Variants in GLRA2 observed in about 807,000 individuals in gnomAD.
The protein encoded by GLRA2 is glycine receptor subunit alpha-2.
Under a neutral mutation model 31.6 loss-of-function variants are expected in GLRA2, and 11 were observed. The ratio of observed to expected loss-of-function variants is 0.35; its 90% CI spans 0.22 to 0.58. The LOEUF is 0.58. GLRA2 is among the 20% of genes least tolerant of loss of function. The pLI is 0.84. For missense variants in GLRA2, 212 were observed against 351.8 expected, an observed-to-expected ratio of 0.60 and a Z score of 3.18; for synonymous variants, 132 against 134.0, an observed-to-expected ratio of 0.99 and a Z score of 0.10.
the GLRA2 span, among the ~76,000 whole-genome samples, chrX:14,474,460 C>T: frequency 1.8e-5 from 2 of 111,779 alleles, no homozygotes; most frequent in African/African-American, 6.5e-5. Context: ...GCTACTCAAA[C>T]ACCTCAAAAT....
At chrX:14,635,104 T>G (rs2090695628) in intron 7 of GLRA2, among the ~76,000 whole-genome samples, 1 of 111,772 alleles carries the variant, frequency 8.9e-6, no homozygotes, top group Non-Finnish European at 1.9e-5. Context: ...AGTTAAAAGC[T>G]TATGCGTTCT....
chrX:14,563,576 G>C, intron 2 of GLRA2, among the ~76,000 whole-genome samples: 1 of 111,643 alleles, frequency 9.0e-6, no homozygotes, highest in East Asian at 2.8e-4. Flanking sequence ...TAACAAGAAA[G>C]TATTGGCCAA....
At chrX:14,683,273 C>G (rs1233384795) in intron 7 of GLRA2, among the ~76,000 whole-genome samples, 7 of 111,663 alleles carry the variant, frequency 6.3e-5, no homozygotes, top group Middle Eastern at 4.2e-3. Flanking sequence ...TCTCATTGTG[C>G]TTTTGATTTG....
the GLRA2 span, among the ~76,000 whole-genome samples, chrX:14,505,111 A>G: frequency 8.9e-6 from 1 of 112,313 alleles, no homozygotes; most frequent in Non-Finnish European, 1.9e-5. Flanking sequence ...TCCATGACAC[A>G]GAGAAGTAAG....
intron 7 of GLRA2, among the ~76,000 whole-genome samples, chrX:14,685,244 C>T (rs1036579127): frequency 9.0e-5 from 10 of 111,271 alleles, no homozygotes; most frequent in African/African-American, 2.3e-4. Flanking sequence ...AGTTTTGCAT[C>T]GATGTTCATC....
chrX:14,542,573 G>T lies in GLRA2; in HGVS notation c.202+10201G>T, dbSNP rs188643871. 3.4e-4 allele frequency among the ~76,000 whole-genome samples: 37 copies of T among 109,256 alleles called. 1 individual carries two copies. In the East Asian group the frequency reaches 0.01, roughly 30 times the overall value. The allele number at this position is 109,256 out of a possible 115,157, so 94.9% of individuals were successfully genotyped here. ...TTAGCATCTGTGAACTGGATGAGTTGTAATTGTTTTAATATTGCTTATCTT... is the reference window on the plus strand; with the variant it reads ...TTAGCATCTGTGAACTGGATGAGTTTTAATTGTTTTAATATTGCTTATCTT... On this transcript the variant is annotated intron_variant, in intron 2 of 8. Coordinates refer to ENST00000218075, the MANE Select transcript of GLRA2 (RefSeq NM_002063.4).
At chrX:14,561,626 A>G (rs1338069600) in intron 2 of GLRA2, among the ~76,000 whole-genome samples, 1 of 112,867 alleles carries the variant, frequency 8.9e-6, no homozygotes, top group Admixed American at 9.4e-5. Flanking sequence ...TCAGCCAGGA[A>G]TTAATAACTT....
chrX:14,721,117 T>C (rs1409297795), intron 8 of GLRA2, among the ~76,000 whole-genome samples: 2 of 64,320 alleles, frequency 3.1e-5, no homozygotes, highest in East Asian at 7.0e-4. Context: ...TGTGACCCTG[T>C]CTCAAAAAAA....
At chrX:14,673,902 G>A (rs772374537) in intron 7 of GLRA2, among the ~76,000 whole-genome samples, 7 of 112,350 alleles carry the variant, frequency 6.2e-5, no homozygotes, top group African/African-American at 1.9e-4. Context: ...TTGCTTGCCA[G>A]TCCCACTGCA....
the GLRA2 span, among the ~76,000 whole-genome samples, chrX:14,522,608 A>C: frequency 3.6e-5 from 4 of 112,535 alleles, no homozygotes; most frequent in East Asian, 1.1e-3. Flanking sequence ...TATTTCTTAA[A>C]TAATAAGACT....
rs1159171550 is a variant in GLRA2, at chrX:14,699,220, C to G, written c.1080+8361C>G. 2.7e-5 allele frequency among the ~76,000 whole-genome samples: 3 copies of G among 112,018 alleles called. No homozygotes were observed. In the East Asian group the frequency reaches 8.4e-4, roughly 31 times the overall value. ...ACCATGTGAAGTTATAACAACTTCT[C>G]TACAATGCAGCCTCACCTGCATTTA... is the stretch of plus-strand genomic sequence containing the variant. On this transcript the variant is annotated intron_variant, in intron 8 of 8. Transcript: ENST00000218075.
chrX:14,575,331 G>A lies in GLRA2; in HGVS notation c.270+931G>A, dbSNP rs750704389. On this transcript the variant is annotated intron_variant, in intron 3 of 8. Coordinates refer to ENST00000218075, the MANE Select transcript of GLRA2 (RefSeq NM_002063.4). ...TTCTTCCACCTCAGCCTCCTGAGTA[G>A]CTGGGATTACAGGTGCACGCCACCA... Among the ~76,000 whole-genome samples the A allele has an allele frequency of 2.2e-3, 239 of 110,136 alleles. 2 individuals are homozygous for A. Among genetic ancestry groups the A allele is most frequent in the African/African-American group, 7.7e-3 (234 of 30,304 alleles).
At position 14,730,707 on chromosome X, in the gene GLRA2, A is replaced by G. The variant is rs942074494; in HGVS notation, c.*222A>G. On this transcript the variant is annotated 3_prime_UTR_variant, in exon 9 of 9. Coordinates refer to ENST00000218075, the MANE Select transcript of GLRA2 (RefSeq NM_002063.4). ...AGGGGTTGCAGAATCACGGGAGCATAATAATTCCCTTCCATAATCTTTAGC... is the reference window on the plus strand; with the variant it reads ...AGGGGTTGCAGAATCACGGGAGCATGATAATTCCCTTCCATAATCTTTAGC... 38 of 391,974 alleles carry G rather than the reference A, an allele frequency of 9.7e-5. No individual in the cohort carries two copies. Among genetic ancestry groups the G allele is most frequent in the Non-Finnish European group, 1.8e-5 (4 of 225,493 alleles). 32.3% of individuals were successfully genotyped at this position (391,974 alleles called of 1,213,427 possible).
the GLRA2 span, among the ~76,000 whole-genome samples, chrX:14,485,379 A>G: frequency 4.5e-5 from 5 of 112,344 alleles, no homozygotes; most frequent in African/African-American, 1.6e-4. Flanking sequence ...TGTATTCCAT[A>G]TAAACATACA....
At chrX:14,617,680 A>G (rs1479683385) in intron 7 of GLRA2, among the ~76,000 whole-genome samples, 1 of 112,021 alleles carries the variant, frequency 8.9e-6, no homozygotes, top group Non-Finnish European at 1.9e-5. Flanking sequence ...CAGTTATCTC[A>G]ACCACCAGGT....
chrX:14,625,258 G>T (rs2090574659), intron 7 of GLRA2, among the ~76,000 whole-genome samples: 1 of 110,831 alleles, frequency 9.0e-6, no homozygotes, highest in Non-Finnish European at 1.9e-5. Context: ...TGTGAGATGG[G>T]TCTCCTGAAT....
the GLRA2 span, among the ~76,000 whole-genome samples, chrX:14,455,326 G>A: frequency 1.6e-3 from 183 of 111,777 alleles, no homozygotes; most frequent in African/African-American, 5.5e-3. Context: ...AAGATGGAAC[G>A]AGTGTCAGCA....
At chrX:14,558,630 C>T (rs1367051444) in intron 2 of GLRA2, among the ~76,000 whole-genome samples, 1 of 111,245 alleles carries the variant, frequency 9.0e-6, no homozygotes, top group African/African-American at 3.3e-5. Context: ...CCACATCAGG[C>T]AAATATAGAA....
chrX:14,557,140 G>T, intron 2 of GLRA2, among the ~76,000 whole-genome samples: 1 of 72,639 alleles, frequency 1.4e-5, no homozygotes, highest in Non-Finnish European at 2.4e-5. Flanking sequence ...TTTTGAGACG[G>T]AGTCTCGCTC....
Sources: gnomAD v4.1 joint callset for allele counts (sites outside exome capture counted in the v4.1 genomes callset) on GRCh38, gnomAD v4.1.1 for gene constraint, MANE v1.5 for transcripts, NCBI Gene and HGNC (gene_info 2026-07-23, HGNC 2026-07-21) for gene names.